Variants in DNA2 observed in about 807,000 individuals in gnomAD.
The protein encoded by DNA2 is DNA replication ATP-dependent helicase/nuclease DNA2.
A neutral mutation model predicts 119.1 loss-of-function variants in DNA2; 101 were observed. That is an observed-to-expected ratio of 0.85 (90% CI 0.72 to 1.00). DNA2 has a LOEUF of 1.00. Among genes scored for constraint, DNA2 ranks in the 50% least tolerant of loss-of-function variants. DNA2 has a pLI of 0.00. For missense variants in DNA2, 1,121 were observed against 1,255.5 expected (o/e 0.89, Z 1.62); for synonymous variants, 366 against 424.4 (o/e 0.86, Z 1.69).
At chr10:68,437,379 T>G in intron 9 of DNA2, 138 bp from the exon 10 acceptor site, 1 of 724,844 alleles carries the variant, frequency 1.4e-6, no homozygotes, top group Non-Finnish European at 2.2e-6. Context: ...CTCACGCCTG[T>G]AATCCCAACA....
At position 68,459,116 on chromosome 10, in the gene DNA2, A is replaced by C. The variant is rs759464271; in HGVS notation, c.707T>G (p.Met236Arg). The stretch of plus-strand genomic sequence containing the variant: ...ATGTGTTTCTTACAGAGAGAGCTGC[A>C]TCTGAGGGAAGTCAGTCGAAGTGTT... ...HKNTSTDFPQ[M>R]QLSLPSDNSK... Residue 236 changes from methionine to arginine, a missense_variant, in exon 5 of 21, where the codon ATG becomes AGG. Physicochemically the swap from Met to Arg is moderately conservative, Grantham distance 91. Coordinates refer to ENST00000358410, the MANE Select transcript of DNA2 (RefSeq NM_001080449.3). The C allele has an allele frequency of 6.3e-7, 1 of 1,598,870 alleles. No individual in the cohort carries two copies. Among genetic ancestry groups the C allele is most frequent in the East Asian group, 2.2e-5 (1 of 44,558 alleles).
chr10:68,435,995 A>AT (rs1323532244), intron 10 of DNA2, among the ~76,000 whole-genome samples: 6 of 152,242 alleles, frequency 3.9e-5, no homozygotes, highest in Non-Finnish European at 7.3e-5. Flanking sequence ...ATGGAACATA[A>AT]TGTACTAAAC....
In DNA2 at chr10:68,422,443, A is replaced by G; in HGVS notation, c.2493-14T>C. ...GACATAATTTTACTAAGGGAATTAC[A>G]AAAGATAACTTTAGTTTTGGTAGAT... On this transcript the variant is annotated splice_polypyrimidine_tract_variant and intron_variant, in intron 16 of 20. Transcript: ENST00000358410. 6.2e-7 allele frequency: 1 copy of G among 1,612,716 alleles called. No individual in the cohort carries two copies.
intron 14 of DNA2, among the ~76,000 whole-genome samples, chr10:68,425,270 A>AT (rs1239265341): frequency 6.7e-6 from 1 of 149,526 alleles, no homozygotes; most frequent in Non-Finnish European, 1.5e-5. Context: ...AATTTTTTGT[A>AT]TTTTTAGTAG....
intron 9 of DNA2, among the ~76,000 whole-genome samples, chr10:68,439,973 C>T (rs961025874): frequency 6.6e-6 from 1 of 151,282 alleles, no homozygotes; most frequent in African/African-American, 2.4e-5. Context: ...CACTGCACTC[C>T]AGCCTGGGCG....
chr10:68,419,831 A>T lies in DNA2; in HGVS notation c.2759T>A (p.Ile920Lys). 6.2e-7 allele frequency: 1 copy of T among 1,613,836 alleles called. No individual in the cohort carries two copies. Among genetic ancestry groups the T allele is most frequent in the Non-Finnish European group, 8.5e-7 (1 of 1,179,818 alleles). ...AACAAAAATGGAGGTTAGGAAAACTATGAGTTTGGCTTCTGTTACATTGCT... is the reference window on the plus strand; with the variant it reads ...AACAAAAATGGAGGTTAGGAAAACTTTGAGTTTGGCTTCTGTTACATTGCT... ...GVSNVTEAKL[I>K]VFLTSIFVKA... Residue 920 changes from isoleucine to lysine, a missense_variant, in exon 18 of 21, where the codon ATA (isoleucine) becomes AAA (lysine). Coordinates refer to ENST00000358410, the MANE Select transcript of DNA2 (RefSeq NM_001080449.3).
At chr10:68,451,066 C>G (rs2052110683) in intron 5 of DNA2, among the ~76,000 whole-genome samples, 1 of 141,228 alleles carries the variant, frequency 7.1e-6, no homozygotes, top group Non-Finnish European at 1.5e-5. Context: ...TGCCACTGCA[C>G]TACAACCTGA....
chr10:68,445,148 C>T (rs2052021648), intron 7 of DNA2, 65 bp from the exon 8 acceptor site: 2 of 1,421,826 alleles, frequency 1.4e-6, no homozygotes, highest in South Asian at 1.3e-5. Flanking sequence ...TTTTTCACTA[C>T]ATATGTAAAA....
At chr10:68,464,599 C>G (rs1026288033) in intron 4 of DNA2, among the ~76,000 whole-genome samples, 1 of 151,644 alleles carries the variant, frequency 6.6e-6, no homozygotes, top group Non-Finnish European at 1.5e-5. Context: ...TGTGGGAGGC[C>G]GAGGCAGGCG....
At chr10:68,415,982 G>A (rs911603314) in intron 20 of DNA2, among the ~76,000 whole-genome samples, 7 of 152,150 alleles carry the variant, frequency 4.6e-5, no homozygotes, top group Non-Finnish European at 7.3e-5. Context: ...TTTATCTTAA[G>A]GCCAGGTGCA....
chr10:68,452,636 AAC>A (rs1445755750), intron 5 of DNA2, among the ~76,000 whole-genome samples: 2 of 151,858 alleles, frequency 1.3e-5, no homozygotes, highest in African/African-American at 2.4e-5. Flanking sequence ...CAGTAGCACG[AAC>A]ACAGTTTACT....
At chr10:68,454,207 T>A (rs10998184) in intron 5 of DNA2, among the ~76,000 whole-genome samples, 14,126 of 151,968 alleles carry the variant, frequency 0.093, 961 homozygotes, top group South Asian at 0.25. Context: ...ATACACTGAG[T>A]TCCTGAGGGC....
intron 4 of DNA2, among the ~76,000 whole-genome samples, chr10:68,464,407 C>T (rs931915616): frequency 2.0e-5 from 3 of 151,860 alleles, no homozygotes; most frequent in South Asian, 2.1e-4. Flanking sequence ...CCCAGCTACT[C>T]GAGAGGCTGA....
At chr10:68,418,605 G>A (rs924446390) in intron 19 of DNA2, among the ~76,000 whole-genome samples, 30 of 149,600 alleles carry the variant, frequency 2.0e-4, no homozygotes, top group Admixed American at 6.0e-4. Context: ...CCCCCAACCC[G>A]CTAAAGGCCA....
intron 2 of DNA2, 76 bp from the exon 3 acceptor site, chr10:68,468,382 A>G (rs2133450069): frequency 2.1e-6 from 2 of 953,294 alleles, no homozygotes; most frequent in South Asian, 7.9e-5. Context: ...GAGGCTTCAA[A>G]AAAATAAATG....
chr10:68,468,011 A>T, intron 3 of DNA2, 112 bp downstream of exon 3: 2 of 822,096 alleles, frequency 2.4e-6, no homozygotes, highest in Non-Finnish European at 3.5e-6. Flanking sequence ...GCAGCTAATT[A>T]ATACCATTTA....
chr10:68,421,719 G>A (rs575962363), intron 17 of DNA2, among the ~76,000 whole-genome samples: 90 of 152,024 alleles, frequency 5.9e-4, no homozygotes, highest in African/African-American at 2.0e-3. Flanking sequence ...TGCCACTTGG[G>A]CAACAGAGCA....
rs558753291 is a variant in DNA2 at position 68,420,498 on chromosome 10, T to C, written c.2698-606A>G. The stretch of plus-strand genomic sequence containing the variant: ...GTTGCAGTGAGCTGACACAGTGTCA[T>C]TGCACTCCAGCCTGGGAGTCAGAGT... On this transcript the variant is annotated intron_variant, in intron 17 of 20. Transcript: ENST00000358410. Among the ~76,000 whole-genome samples the C allele has an allele frequency of 8.5e-5, 13 of 152,198 alleles. No homozygotes were observed. In the South Asian group the frequency reaches 2.7e-3, roughly 32 times the overall value.
At chr10:68,437,295 T>C in intron 9 of DNA2, 54 bp from the exon 10 acceptor site, 4 of 1,402,682 alleles carry the variant, frequency 2.9e-6, no homozygotes, top group East Asian at 2.3e-5. Flanking sequence ...TACGTAAGTA[T>C]TGTGTCTGCA....
Sources: gnomAD v4.1 joint callset for allele counts (sites outside exome capture counted in the v4.1 genomes callset) on GRCh38, gnomAD v4.1.1 for gene constraint, MANE v1.5 for transcripts, NCBI Gene and HGNC (gene_info 2026-07-23, HGNC 2026-07-21) for gene names.